B3GALT1: variants seen among roughly 807,000 people sequenced by gnomAD.
The protein encoded by B3GALT1 is UDP-Gal:betaGlcNAc beta 1,3-galactosyltransferase, polypeptide 1.
Under a neutral mutation model 23.2 loss-of-function variants are expected in B3GALT1, and 10 were observed. That is an observed-to-expected ratio of 0.43 (90% CI 0.27 to 0.73). The LOEUF (loss-of-function observed/expected upper bound fraction) is 0.73, where lower values mean the gene tolerates loss of function less well. B3GALT1 is among the 30% of genes least tolerant of loss of function. The pLI, the probability that B3GALT1 is intolerant of heterozygous loss-of-function variation, is 0.21. For synonymous variants in B3GALT1, 156 were observed against 141.5 expected (o/e 1.10, Z -0.73); for missense variants, 299 against 405.4 (o/e 0.74, Z 2.25).
intron 1 of B3GALT1, among the ~76,000 whole-genome samples, chr2:167,373,632 CAAAAT>C (rs1421102314): frequency 6.6e-6 from 1 of 152,104 alleles, no homozygotes; most frequent in Non-Finnish European, 1.5e-5. Flanking sequence ...TTTAGGGAAA[CAAAAT>C]GAAGATATTA....
At chr2:167,494,795 C>A (rs1323543829) in intron 2 of B3GALT1, among the ~76,000 whole-genome samples, 1 of 152,136 alleles carries the variant, frequency 6.6e-6, no homozygotes, top group Non-Finnish European at 1.5e-5. Flanking sequence ...AGCAGTGATA[C>A]CCATATCTGG....
intron 2 of B3GALT1, among the ~76,000 whole-genome samples, chr2:167,518,897 T>C (rs1157852754): frequency 6.6e-6 from 1 of 152,128 alleles, no homozygotes; most frequent in Non-Finnish European, 1.5e-5. Flanking sequence ...GCTAATGAGA[T>C]TACAATTGCA....
At chr2:167,560,286 C>A (rs1268012197) in intron 2 of B3GALT1, among the ~76,000 whole-genome samples, 6 of 152,060 alleles carry the variant, frequency 3.9e-5, no homozygotes, top group Non-Finnish European at 7.4e-5. Flanking sequence ...GGCCTGCCCT[C>A]AAAGAGCTCC....
At chr2:167,419,875 C>T (rs569936699) in intron 1 of B3GALT1, among the ~76,000 whole-genome samples, 3 of 152,276 alleles carry the variant, frequency 2.0e-5, no homozygotes, top group South Asian at 2.1e-4. Flanking sequence ...TTCAACAATA[C>T]TGTATCAGGT....
intron 1 of B3GALT1, among the ~76,000 whole-genome samples, chr2:167,340,744 T>G (rs1188651279): frequency 6.6e-6 from 1 of 152,166 alleles, no homozygotes; most frequent in African/African-American, 2.4e-5. Flanking sequence ...AAAGTGATCA[T>G]CATCTGGAGC....
chr2:167,787,589 C>G (rs953192800), intron 3 of B3GALT1, among the ~76,000 whole-genome samples: 9 of 152,218 alleles, frequency 5.9e-5, no homozygotes, highest in Non-Finnish European at 1.3e-4. Context: ...CATATTAAGA[C>G]TCACCATCAC....
At chr2:167,379,531 G>A (rs1312122538) in intron 1 of B3GALT1, among the ~76,000 whole-genome samples, 2 of 152,174 alleles carry the variant, frequency 1.3e-5, no homozygotes, top group East Asian at 3.9e-4. Context: ...TGGCAGTGCT[G>A]TGGAGTTTAT....
intron 3 of B3GALT1, among the ~76,000 whole-genome samples, chr2:167,694,148 C>G (rs779704374): frequency 2.6e-5 from 4 of 152,066 alleles, no homozygotes; most frequent in Non-Finnish European, 5.9e-5. Flanking sequence ...AGAGGCCCCC[C>G]TCCTAATACC....
intron 1 of B3GALT1, among the ~76,000 whole-genome samples, chr2:167,470,656 C>T (rs1312656480): frequency 6.6e-6 from 1 of 151,900 alleles, no homozygotes; most frequent in Non-Finnish European, 1.5e-5. Context: ...TTGTCCCACC[C>T]CCATAATCTC....
chr2:167,527,962 T>C (rs529705576), intron 2 of B3GALT1, among the ~76,000 whole-genome samples: 1 of 152,322 alleles, frequency 6.6e-6, no homozygotes, highest in African/African-American at 2.4e-5. Context: ...TCTTTTTTGA[T>C]TTTGGATGAG....
chr2:167,685,668 G>C (rs77353357), intron 3 of B3GALT1, among the ~76,000 whole-genome samples: 16,115 of 152,126 alleles, frequency 0.11, 1,050 homozygotes, highest in East Asian at 0.34. Flanking sequence ...GTCAGAGAGA[G>C]AGCAGGGGCC....
At chr2:167,706,721 T>C (rs1326720369) in intron 3 of B3GALT1, among the ~76,000 whole-genome samples, 1 of 152,214 alleles carries the variant, frequency 6.6e-6, no homozygotes, top group Non-Finnish European at 1.5e-5. Flanking sequence ...CCAGAAATGA[T>C]TTTGGGATAC....
At chr2:167,662,747 C>A (rs1686083399) in intron 3 of B3GALT1, among the ~76,000 whole-genome samples, 1 of 151,898 alleles carries the variant, frequency 6.6e-6, no homozygotes, top group Non-Finnish European at 1.5e-5. Flanking sequence ...TCTCTGGTTT[C>A]ATCTCGTATC....
intron 3 of B3GALT1, among the ~76,000 whole-genome samples, chr2:167,688,470 A>G (rs1686652611): frequency 6.6e-6 from 1 of 152,188 alleles, no homozygotes. Context: ...AATATGAAGA[A>G]GGACTGAATG....
intron 3 of B3GALT1, among the ~76,000 whole-genome samples, chr2:167,701,109 T>G (rs2105509748): frequency 6.6e-6 from 1 of 152,184 alleles, no homozygotes; most frequent in African/African-American, 2.4e-5. Flanking sequence ...AAAAACAAAT[T>G]AACAAAAAAG....
chr2:167,828,635 A>G (rs1689278752), intron 4 of B3GALT1, among the ~76,000 whole-genome samples: 1 of 152,214 alleles, frequency 6.6e-6, no homozygotes, highest in Non-Finnish European at 1.5e-5. Flanking sequence ...ACAAACCTGA[A>G]TGTGCTCTCT....
rs191412881 is a variant in B3GALT1, at chr2:167,820,110, G to A, written c.-230+1317G>A. Reference sequence around the variant, plus strand: ...CTGAGTATTTTAAATATATGAAGCCGATTGGGTACTTTTGAGAACAGCTTT... The same window carrying A: ...CTGAGTATTTTAAATATATGAAGCCAATTGGGTACTTTTGAGAACAGCTTT... On this transcript the variant is annotated intron_variant, in intron 4 of 4. Coordinates refer to ENST00000392690, the MANE Select transcript of B3GALT1 (RefSeq NM_020981.4). Among the ~76,000 whole-genome samples, 20 of 152,266 alleles carry A rather than the reference G, an allele frequency of 1.3e-4. No homozygotes were observed. In the East Asian group the frequency reaches 3.5e-3, roughly 26 times the overall value.
intron 3 of B3GALT1, among the ~76,000 whole-genome samples, chr2:167,729,840 G>C (rs1049178427): frequency 6.6e-6 from 1 of 152,220 alleles, no homozygotes; most frequent in East Asian, 1.9e-4. Context: ...ATAAAAGCAT[G>C]AAAAGAGCTA....
chr2:167,569,245 A>G (rs372915707), intron 2 of B3GALT1, among the ~76,000 whole-genome samples: 1 of 151,900 alleles, frequency 6.6e-6, no homozygotes, highest in East Asian at 1.9e-4. Flanking sequence ...CAGTTTGTCT[A>G]CAGCCATAAA....
Sources: gnomAD v4.1 joint callset for allele counts (sites outside exome capture counted in the v4.1 genomes callset) on GRCh38, gnomAD v4.1.1 for gene constraint, MANE v1.5 for transcripts, NCBI Gene and HGNC (gene_info 2026-07-23, HGNC 2026-07-21) for gene names.